PDE4DIP: variants seen among roughly 807,000 people sequenced by gnomAD.
The protein encoded by PDE4DIP is phosphodiesterase 4D interacting protein.
A neutral mutation model predicts 221.4 loss-of-function variants in PDE4DIP; 59 were observed. The ratio of observed to expected loss-of-function variants is 0.27; its 90% CI spans 0.22 to 0.33. The LOEUF (loss-of-function observed/expected upper bound fraction) is 0.33. Among genes scored for constraint, PDE4DIP ranks in the 10% least tolerant of loss-of-function variants. PDE4DIP has a pLI of 1.00. For synonymous variants in PDE4DIP, 404 were observed against 815.9 expected (o/e 0.50, Z 8.60); for missense variants, 1,036 against 2,154.2 (o/e 0.48, Z 10.28).
At chr1:149,022,076 C>T (rs1416328226) in intron 37 of PDE4DIP, among the ~76,000 whole-genome samples, 2 of 150,384 alleles carry the variant, frequency 1.3e-5, no homozygotes, top group Admixed American at 6.6e-5. Flanking sequence ...ATAGGACAGG[C>T]AGCCATTCAT....
intron 1 of PDE4DIP, among the ~76,000 whole-genome samples, chr1:148,829,447 TGAG>T (rs1671486133): frequency 3.7e-5 from 1 of 27,294 alleles, no homozygotes; most frequent in African/African-American, 1.7e-4. Context: ...GTTTTACAAA[TGAG>T]GAAGCTAAAG....
At chr1:149,022,219 T>C (rs375451026) in intron 37 of PDE4DIP, among the ~76,000 whole-genome samples, 26 of 143,104 alleles carry the variant, frequency 1.8e-4, no homozygotes, top group African/African-American at 6.8e-4. Flanking sequence ...AGACCATGTC[T>C]AAAATATTGT....
intron 32 of PDE4DIP, among the ~76,000 whole-genome samples, chr1:149,015,655 A>C (rs1479376256): frequency 6.6e-6 from 1 of 151,160 alleles, no homozygotes; most frequent in Admixed American, 6.6e-5. Flanking sequence ...GTATTCAATG[A>C]TTCTTTAGAC....
upstream of PDE4DIP, among the ~76,000 whole-genome samples, chr1:148,884,791 A>C (rs1625212): frequency 0.034 from 4,965 of 145,648 alleles, 1 homozygote; most frequent in East Asian, 0.11. Flanking sequence ...GTCCTTTATA[A>C]TTTGTCATAT....
intron 21 of PDE4DIP, chr1:148,983,896 G>C (rs1473168487): frequency 6.6e-6 from 1 of 152,030 alleles, no homozygotes; most frequent in Admixed American, 6.6e-5. Flanking sequence ...GATAGATTTT[G>C]TTTTTCTCAT....
At chr1:148,892,087 A>G (rs2149355881) in intron 1 of PDE4DIP, among the ~76,000 whole-genome samples, 1 of 115,214 alleles carries the variant, frequency 8.7e-6, no homozygotes, top group East Asian at 5.3e-4. Context: ...AGCTCACTGC[A>G]ACCTCCGCCT....
chr1:148,859,520 A>G (rs1387888564), intron 1 of PDE4DIP, among the ~76,000 whole-genome samples: 3 of 152,112 alleles, frequency 2.0e-5, no homozygotes, highest in African/African-American at 7.2e-5. Flanking sequence ...CGTAGGGAGA[A>G]AGACAAGGTA....
intron 30 of PDE4DIP, among the ~76,000 whole-genome samples, 156 bp from the exon 34 acceptor site, chr1:149,010,287 C>A (rs1553603932): frequency 6.6e-6 from 1 of 152,158 alleles, no homozygotes; most frequent in African/African-American, 2.4e-5. Context: ...TAGGAGCTGT[C>A]TGCAAGCAAG....
intron 32 of PDE4DIP, among the ~76,000 whole-genome samples, chr1:149,014,685 T>C (rs1424996786): frequency 1.6e-5 from 2 of 122,850 alleles, no homozygotes; most frequent in African/African-American, 3.2e-5. Context: ...TTTCTCCACC[T>C]GAAGTCAAGG....
chr1:148,970,918 A>G (rs1350698700), intron 14 of PDE4DIP, among the ~76,000 whole-genome samples: 1 of 152,184 alleles, frequency 6.6e-6, no homozygotes, highest in African/African-American at 2.4e-5. Flanking sequence ...TATTTCCCCT[A>G]GAAATTGTGA....
At chr1:148,892,595 G>T (rs75781228) in intron 1 of PDE4DIP, among the ~76,000 whole-genome samples, 1 of 120,552 alleles carries the variant, frequency 8.3e-6, no homozygotes, top group South Asian at 3.1e-4. Context: ...CTAGTCTTAC[G>T]TGTTAGCAGA....
chr1:148,919,782 C>A (rs1230926520), intron 1 of PDE4DIP, among the ~76,000 whole-genome samples: 1 of 150,578 alleles, frequency 6.6e-6, no homozygotes, highest in African/African-American at 2.5e-5. Flanking sequence ...TGAAACTCTT[C>A]CTCCTGCTAA....
chr1:148,961,021 A>G (rs587730011), intron 6 of PDE4DIP, among the ~76,000 whole-genome samples: 1 of 152,206 alleles, frequency 6.6e-6, no homozygotes, highest in Admixed American at 6.5e-5. Context: ...TAAAACTTGC[A>G]TGCAGGCCGG....
At chr1:148,963,448 C>G (rs2057406833) in intron 9 of PDE4DIP, among the ~76,000 whole-genome samples, 2 of 151,872 alleles carry the variant, frequency 1.3e-5, no homozygotes, top group Admixed American at 1.3e-4. Context: ...GAGACAGTCA[C>G]ATAAGCTGAG....
intron 5 of PDE4DIP, among the ~76,000 whole-genome samples, chr1:148,955,383 GAAAATAACAGCCAAAAC>G (rs1460243477): frequency 1.3e-5 from 2 of 151,786 alleles, no homozygotes; most frequent in African/African-American, 4.8e-5. Context: ...TAAAGACTGA[GAAAATAACAGCCAAAAC>G]AAGATCTTTT....
At chr1:148,958,146 C>G (rs2055862367) in intron 5 of PDE4DIP, among the ~76,000 whole-genome samples, 1 of 129,562 alleles carries the variant, frequency 7.7e-6, no homozygotes, top group Admixed American at 7.4e-5. Context: ...AATAATTTTT[C>G]CAGAAGTCAT....
chr1:148,997,866 A>G (rs587689624), intron 22 of PDE4DIP, among the ~76,000 whole-genome samples: 60 of 152,396 alleles, frequency 3.9e-4, no homozygotes, highest in African/African-American at 1.3e-3. Flanking sequence ...GTTTGTTTGC[A>G]TTTGTTTTAA....
At position 148,966,554 on chromosome 1, in the gene PDE4DIP, G is replaced by A. The variant is rs200208188; in HGVS notation, c.1365G>A (p.Glu455=). ...ATTTTTGGTCTCAGGAATTTCGGGA[G>A]CTCCTACAGTATCGAGATAACTCAG... Residue 455 remains glutamate, a synonymous_variant, in exon 11 of 44, where the codon GAG becomes GAA. Coordinates refer to ENST00000369354, the Ensembl canonical transcript of PDE4DIP. The A allele has an allele frequency of 1.0e-4, 87 of 848,072 alleles. No homozygotes were observed. In the East Asian group the frequency reaches 1.9e-3, roughly 18 times the overall value. 52.5% of individuals were successfully genotyped at this position (848,072 alleles called of 1,614,324 possible).
chr1:148,934,405 C>T (rs1472176610), intron 4 of PDE4DIP, among the ~76,000 whole-genome samples: 2 of 151,822 alleles, frequency 1.3e-5, no homozygotes, highest in Non-Finnish European at 2.9e-5. Flanking sequence ...CATCAGATGA[C>T]CTTGAACAAT....
Sources: gnomAD v4.1 joint callset for allele counts (sites outside exome capture counted in the v4.1 genomes callset) on GRCh38, gnomAD v4.1.1 for gene constraint, MANE v1.5 for transcripts, NCBI Gene and HGNC (gene_info 2026-07-23, HGNC 2026-07-21) for gene names.